The following SYCP2 variants were observed in gnomAD, a reference collection of about 807,000 sequenced individuals.
The protein encoded by SYCP2 is synaptonemal complex protein 2.
Under a neutral mutation model 211.3 loss-of-function variants are expected in SYCP2, and 55 were observed. That is an observed-to-expected ratio of 0.26 (90% confidence interval 0.21 to 0.33). SYCP2 has a LOEUF of 0.33. SYCP2 is among the 10% of genes least tolerant of loss of function. The pLI is 1.00. For synonymous variants in SYCP2, 570 were observed against 555.2 expected (o/e 1.03, Z -0.37); for missense variants, 1,731 against 1,752.0 (o/e 0.99, Z 0.21).
rs1201638096 is a variant in SYCP2 at position 59,876,076 on chromosome 20, TAAG to T, written c.3151-610_3151-608del. Among the ~76,000 whole-genome samples the T allele has an allele frequency of 2.0e-5, 3 of 151,946 alleles. No homozygotes were observed. In the East Asian group the frequency reaches 5.8e-4, roughly 29 times the overall value. ...GACTATTTGTATGGTAAACTTCCTT[TAAG>T]AAGTGACAGAAGGCTGGGCACGGTG... On this transcript the variant is annotated intron_variant, in intron 33 of 44. Coordinates refer to ENST00000357552, the MANE Select transcript of SYCP2 (RefSeq NM_014258.4).
At chr20:59,913,160 A>T (rs1423684729) in intron 12 of SYCP2, among the ~76,000 whole-genome samples, 1 of 152,208 alleles carries the variant, frequency 6.6e-6, no homozygotes, top group Non-Finnish European at 1.5e-5. Flanking sequence ...AATTCACAGA[A>T]TTCTTTCTTA....
At chr20:59,932,681 A>G (rs1441485296) in intron 1 of SYCP2, among the ~76,000 whole-genome samples, 1 of 152,064 alleles carries the variant, frequency 6.6e-6, no homozygotes, top group Non-Finnish European at 1.5e-5. Context: ...CTCGGGAAAA[A>G]AAACAACAAA....
rs1346541257 is a variant in SYCP2, at chr20:59,920,249, G to A, written c.297+110C>T. 40 of 955,438 alleles carry A rather than the reference G, an allele frequency of 4.2e-5. No individual in the cohort carries two copies. The East Asian group carries it at 8.3e-4, about 20-fold the overall frequency. 59.2% of individuals were successfully genotyped at this position (955,438 alleles called of 1,614,324 possible). A position where few individuals can be genotyped will look rare whatever the true frequency, so the allele number is the denominator to read the frequency against. On this transcript the variant is annotated intron_variant, in intron 5 of 44. Coordinates refer to ENST00000357552, the MANE Select transcript of SYCP2 (RefSeq NM_014258.4). ...ATAGAAATGTTTTATTCCCAAAATTGTACATAAAGTTCCTAAATTTATTTT... is the reference window on the plus strand; with the variant it reads ...ATAGAAATGTTTTATTCCCAAAATTATACATAAAGTTCCTAAATTTATTTT...
At chr20:59,890,385 C>G (rs910941898) in intron 24 of SYCP2, among the ~76,000 whole-genome samples, 2 of 152,182 alleles carry the variant, frequency 1.3e-5, no homozygotes, top group East Asian at 3.9e-4. Flanking sequence ...ACATCACACA[C>G]TGGGGCCTGT....
chr20:59,885,881 A>G (rs946314749), intron 26 of SYCP2, 47 bp downstream of exon 26: 2 of 1,408,526 alleles, frequency 1.4e-6, no homozygotes, highest in East Asian at 4.6e-5. Context: ...ATGGTCAAAT[A>G]TTGAGTTTGA....
At chr20:59,922,100 A>C (rs770571611) in intron 3 of SYCP2, among the ~76,000 whole-genome samples, 5 of 151,648 alleles carry the variant, frequency 3.3e-5, no homozygotes, top group Non-Finnish European at 7.4e-5. Context: ...CTAAAACTTA[A>C]TACAAAAATA....
chr20:59,900,362 G>A, intron 17 of SYCP2, 78 bp from the exon 18 acceptor site: 1 of 1,231,726 alleles, frequency 8.1e-7, no homozygotes, highest in East Asian at 2.5e-5. Flanking sequence ...GATGTCTTAA[G>A]CTCCTACTCA....
intron 2 of SYCP2, 150 bp from the exon 3 acceptor site, chr20:59,922,609 A>G: frequency 4.6e-6 from 2 of 433,324 alleles, no homozygotes; most frequent in Non-Finnish European, 8.1e-6. Context: ...TAAATTACAC[A>G]TTTGAATATG....
chr20:59,923,782 C>T (rs2060584107), intron 2 of SYCP2, among the ~76,000 whole-genome samples: 1 of 151,542 alleles, frequency 6.6e-6, no homozygotes, highest in African/African-American at 2.4e-5. Context: ...AACTACTAAG[C>T]TAAGTGTGAG....
intron 2 of SYCP2, among the ~76,000 whole-genome samples, chr20:59,923,486 T>C (rs1323290403): frequency 6.6e-6 from 1 of 151,876 alleles, no homozygotes; most frequent in East Asian, 1.9e-4. Flanking sequence ...TTTTAATAAT[T>C]ATGGGAATTT....
intron 8 of SYCP2, among the ~76,000 whole-genome samples, chr20:59,915,886 C>T (rs746189366): frequency 3.8e-4 from 57 of 151,920 alleles, no homozygotes; most frequent in Non-Finnish European, 5.9e-4. Flanking sequence ...CCCAGCTACT[C>T]GGAAGGGAGG....
intron 14 of SYCP2, among the ~76,000 whole-genome samples, chr20:59,910,389 T>TA (rs991461154): frequency 1.5e-5 from 2 of 137,638 alleles, no homozygotes; most frequent in African/African-American, 5.7e-5. Flanking sequence ...TTTTTTTTTT[T>TA]TTTTTTTTTT....
intron 35 of SYCP2, among the ~76,000 whole-genome samples, chr20:59,872,155 G>A (rs1360667001): frequency 6.6e-6 from 1 of 151,982 alleles, no homozygotes; most frequent in Non-Finnish European, 1.5e-5. Flanking sequence ...CCTCTTAGCT[G>A]CAGTTTTGCT....
intron 23 of SYCP2, 67 bp from the exon 24 acceptor site, chr20:59,892,493 A>G (rs746049051): frequency 2.0e-6 from 3 of 1,508,534 alleles, no homozygotes; most frequent in Non-Finnish European, 2.7e-6. Context: ...AATTTGTTAA[A>G]TTTGTTTTAA....
At chr20:59,918,934 TTTC>T (rs1419949022) in intron 7 of SYCP2, among the ~76,000 whole-genome samples, 9 of 152,138 alleles carry the variant, frequency 5.9e-5, no homozygotes, top group Admixed American at 1.3e-4. Context: ...TTTGTTTTTC[TTTC>T]TTGTTATACA....
chr20:59,884,048 A>C (rs2059739039), intron 26 of SYCP2, among the ~76,000 whole-genome samples: 1 of 152,108 alleles, frequency 6.6e-6, no homozygotes, highest in African/African-American at 2.4e-5. Flanking sequence ...GTAAAAATAC[A>C]ATAGAAAATA....
intron 7 of SYCP2, among the ~76,000 whole-genome samples, chr20:59,916,802 C>G (rs1359058301): frequency 6.6e-6 from 1 of 152,072 alleles, no homozygotes; most frequent in African/African-American, 2.4e-5. Context: ...ACCTGTAATC[C>G]CAGCTACATG....
intron 33 of SYCP2, among the ~76,000 whole-genome samples, chr20:59,876,369 C>A (rs868124940): frequency 7.8e-4 from 18 of 23,090 alleles, no homozygotes; most frequent in Non-Finnish European, 1.8e-4. Context: ...GGCTGTGTCT[C>A]AAAAAAAAAA....
At chr20:59,890,227 G>C (rs2059878352) in intron 24 of SYCP2, among the ~76,000 whole-genome samples, 1 of 152,156 alleles carries the variant, frequency 6.6e-6, no homozygotes, top group Non-Finnish European at 1.5e-5. Flanking sequence ...CATAAAAAAG[G>C]ATGAGTTCAT....
Sources: allele counts gnomAD v4.1 joint callset (sites outside exome capture counted in the v4.1 genomes callset), GRCh38; gene constraint gnomAD v4.1.1; transcripts MANE v1.5; gene names NCBI Gene and HGNC (gene_info 2026-07-23, HGNC 2026-07-21).